TRAF3: variants seen among roughly 807,000 people sequenced by gnomAD.
The protein encoded by TRAF3 is TNF receptor-associated factor 3.
Under a neutral mutation model 62.3 loss-of-function variants are expected in TRAF3, and 13 were observed. The observed-to-expected ratio is 0.21, with a 90% CI of 0.14 to 0.33. The LOEUF (loss-of-function observed/expected upper bound fraction) is 0.33, where lower values mean the gene tolerates loss of function less well. Among genes scored for constraint, TRAF3 ranks in the 10% least tolerant of loss-of-function variants. The pLI, the probability that TRAF3 is intolerant of heterozygous loss-of-function variation, is 1.00. For synonymous variants in TRAF3, 269 were observed against 283.4 expected, an observed-to-expected ratio of 0.95 and a Z score of 0.51; for missense variants, 440 against 741.8, an observed-to-expected ratio of 0.59 and a Z score of 4.73.
At chr14:102,806,559 C>A (rs772538765) in intron 1 of TRAF3, among the ~76,000 whole-genome samples, 71 of 152,206 alleles carry the variant, frequency 4.7e-4, no homozygotes, top group Non-Finnish European at 6.8e-4. Context: ...CAGCTTCGGA[C>A]CTGCATATTT....
intron 6 of TRAF3, among the ~76,000 whole-genome samples, chr14:102,882,697 C>T (rs1169675801): frequency 2.0e-5 from 3 of 151,978 alleles, no homozygotes. Context: ...TCCTACACTC[C>T]CTGTGTTCTG....
At chr14:102,856,660 C>G (rs1349534292) in intron 2 of TRAF3, among the ~76,000 whole-genome samples, 1 of 152,102 alleles carries the variant, frequency 6.6e-6, no homozygotes, top group East Asian at 1.9e-4. Flanking sequence ...GGGTCTCAGC[C>G]TTATTTTACT....
intron 6 of TRAF3, 35 bp downstream of exon 6, chr14:102,876,560 A>T (rs1348594518): frequency 3.7e-6 from 6 of 1,608,664 alleles, no homozygotes; most frequent in Non-Finnish European, 4.2e-6. Flanking sequence ...CCTTCCACTC[A>T]ATTCCTATAT....
intron 1 of TRAF3, among the ~76,000 whole-genome samples, chr14:102,825,145 G>T (rs915641266): frequency 6.6e-6 from 1 of 152,224 alleles, no homozygotes; most frequent in African/African-American, 2.4e-5. Flanking sequence ...GAGGACACCG[G>T]GCCGTGCCTT....
At chr14:102,790,775 T>C (rs1238502729) in intron 1 of TRAF3, among the ~76,000 whole-genome samples, 1 of 152,196 alleles carries the variant, frequency 6.6e-6, no homozygotes, top group African/African-American at 2.4e-5. Context: ...TGAAGCTTTG[T>C]AGTAAGTTTT....
intron 7 of TRAF3, among the ~76,000 whole-genome samples, chr14:102,888,347 C>A (rs543552507): frequency 8.3e-4 from 127 of 152,330 alleles, no homozygotes; most frequent in Non-Finnish European, 1.5e-3. Context: ...CACCTTGACT[C>A]TGCCCTGGCT....
Position 102,910,808 on chromosome 14 carries a change from C to T in TRAF3, c.*5024C>T, listed in dbSNP as rs1890829957. ...TGAAAAGAGGCTAGAAGTCCAGGAT[C>T]GCTGTACCGCTCCTGTAATTAGGTG... On this transcript the variant is annotated 3_prime_UTR_variant, in exon 12 of 12. Coordinates refer to ENST00000392745, the MANE Select transcript of TRAF3 (RefSeq NM_145725.3). 1.3e-5 allele frequency: 2 copies of T among 152,226 alleles called. No homozygotes were observed. Among genetic ancestry groups the T allele is most frequent in the African/African-American group, 4.8e-5 (2 of 41,448 alleles). The allele number at this position is 152,226 out of a possible 1,614,324, so 9.4% of individuals were successfully genotyped here. A position where few individuals can be genotyped will look rare whatever the true frequency, so the allele number is the denominator to read the frequency against.
intron 2 of TRAF3, among the ~76,000 whole-genome samples, chr14:102,836,862 GT>G (rs1166085383): frequency 1.3e-5 from 2 of 152,150 alleles, no homozygotes; most frequent in Non-Finnish European, 1.5e-5. Flanking sequence ...TTTCAGGTGA[GT>G]AAGACGTCAG....
Position 102,908,538 on chromosome 14 carries a change from C to T in TRAF3, c.*2754C>T, listed in dbSNP as rs972770359. ...CTGGCCACCTGGGCCAGCCTGGGGC[C>T]ATGGTCTCTCTGCAGCTGAGGCCCA... is the stretch of plus-strand genomic sequence containing the variant. On this transcript the variant is annotated 3_prime_UTR_variant, in exon 12 of 12. Transcript: ENST00000392745. 6.6e-6 allele frequency: 1 copy of T among 152,326 alleles called. No homozygotes were observed. Among genetic ancestry groups the T allele is most frequent in the African/African-American group, 2.4e-5 (1 of 41,446 alleles). 9.4% of individuals were successfully genotyped at this position (152,326 alleles called of 1,614,324 possible). A position where few individuals can be genotyped will look rare whatever the true frequency, so the allele number is the denominator to read the frequency against.
chr14:102,835,431 C>T (rs1290769577), intron 2 of TRAF3, among the ~76,000 whole-genome samples: 1 of 152,124 alleles, frequency 6.6e-6, no homozygotes, highest in Non-Finnish European at 1.5e-5. Flanking sequence ...ATTGTTCTAC[C>T]ATAAAGATAT....
At chr14:102,888,726 G>A (rs754480836) in intron 7 of TRAF3, among the ~76,000 whole-genome samples, 9 of 152,170 alleles carry the variant, frequency 5.9e-5, no homozygotes, top group Admixed American at 1.3e-4. Flanking sequence ...CTTCTGCTCA[G>A]TCTTGGGGCA....
At chr14:102,886,321 G>A in intron 7 of TRAF3, 52 bp downstream of exon 7, 1 of 1,505,858 alleles carries the variant, frequency 6.6e-7, no homozygotes, top group Non-Finnish European at 9.1e-7. Context: ...AGGGCTGCGT[G>A]CCTGGCTCCC....
At chr14:102,900,337 C>G (rs1006320993) in intron 10 of TRAF3, among the ~76,000 whole-genome samples, 1 of 151,852 alleles carries the variant, frequency 6.6e-6, no homozygotes, top group African/African-American at 2.4e-5. Flanking sequence ...CCCGTCTCTA[C>G]TAAAAATAGA....
chr14:102,911,122 T>A lies in TRAF3; in HGVS notation c.*5338T>A, dbSNP rs1187211858. ...GACCCTGTCTTTTTAATCTGCCTGT[T>A]TTAAAAGTTGCGTCTGTAGTAGCCG... On this transcript the variant is annotated 3_prime_UTR_variant, in exon 12 of 12. Transcript: ENST00000392745. 6.6e-6 allele frequency: 1 copy of A among 152,216 alleles called. No individual in the cohort carries two copies. The highest frequency in any genetic ancestry group is 1.5e-5 in the Non-Finnish European group (1 of 68,036). The allele number at this position is 152,216 out of a possible 1,614,324, so 9.4% of individuals were successfully genotyped here.
intron 3 of TRAF3, 144 bp downstream of exon 3, chr14:102,870,590 A>G: frequency 2.5e-6 from 3 of 1,187,762 alleles, no homozygotes; most frequent in South Asian, 2.9e-5. Context: ...CAGCTTGTGA[A>G]TCCTTTAGGG....
intron 2 of TRAF3, among the ~76,000 whole-genome samples, chr14:102,853,918 C>A (rs1455459617): frequency 6.6e-6 from 1 of 152,128 alleles, no homozygotes; most frequent in Non-Finnish European, 1.5e-5. Context: ...AAAGAAACCC[C>A]ATACCACTAA....
intron 2 of TRAF3, among the ~76,000 whole-genome samples, chr14:102,868,231 C>G (rs550544361): frequency 6.0e-4 from 92 of 152,268 alleles, no homozygotes; most frequent in Non-Finnish European, 1.1e-3. Context: ...CTTACCGTAT[C>G]GTGAGAAAGG....
At chr14:102,886,784 G>C (rs941126053) in intron 7 of TRAF3, among the ~76,000 whole-genome samples, 2 of 152,130 alleles carry the variant, frequency 1.3e-5, no homozygotes, top group Non-Finnish European at 1.5e-5. Flanking sequence ...AAACTACACT[G>C]TGGTAAATTC....
At chr14:102,849,551 G>A (rs1424533613) in intron 2 of TRAF3, among the ~76,000 whole-genome samples, 1 of 152,256 alleles carries the variant, frequency 6.6e-6, no homozygotes, top group East Asian at 1.9e-4. Context: ...TTAAGACCAT[G>A]TGTTATACTG....
Sources: gnomAD v4.1 joint callset for allele counts (sites outside exome capture counted in the v4.1 genomes callset) on GRCh38, gnomAD v4.1.1 for gene constraint, MANE v1.5 for transcripts, NCBI Gene and HGNC (gene_info 2026-07-23, HGNC 2026-07-21) for gene names.